The following KCNB2 variants were observed in gnomAD, a reference collection of about 807,000 sequenced individuals.
KCNB2 encodes the protein potassium voltage-gated channel subfamily B member 2, also known as delayed rectifier potassium channel protein.
A neutral mutation model predicts 61.5 loss-of-function variants in KCNB2; 15 were observed. The observed-to-expected ratio is 0.24, with a 90% confidence interval of 0.16 to 0.38. The LOEUF is 0.38. Ranked by LOEUF, KCNB2 falls within the 10% of genes least tolerant of loss-of-function variation. The probability of loss-of-function intolerance (pLI) is 1.00; values close to 1 mark genes in which losing one functional copy is unlikely to be tolerated. For missense variants in KCNB2, 828 were observed against 1,125.2 expected (o/e 0.74, Z 3.78); for synonymous variants, 457 against 446.0 (o/e 1.02, Z -0.31).
intron 2 of KCNB2, among the ~76,000 whole-genome samples, chr8:72,800,144 A>G (rs527309870): frequency 1.3e-5 from 2 of 152,262 alleles, no homozygotes; most frequent in South Asian, 4.1e-4. Context: ...GCATTTATCT[A>G]GGGTCCCATG....
chr8:72,537,301 C>A lies in KCNB2; in HGVS notation c.-678C>A. On this transcript the variant is annotated 5_prime_UTR_variant, in exon 1 of 3. Transcript: ENST00000523207. ...CCCCAGAGCGCCCCGCCTAGCCTCC[C>A]GCGCGCAGCCTCTACCCTGCTCCGC... 1 of 152,288 alleles carries A rather than the reference C, an allele frequency of 6.6e-6. No individual in the cohort carries two copies. The highest frequency in any genetic ancestry group is 1.8e-4 in the South Asian group (1 of 5,480). The allele number at this position is 152,288 out of a possible 1,614,324, so 9.4% of individuals were successfully genotyped here.
intron 2 of KCNB2, among the ~76,000 whole-genome samples, chr8:72,872,653 A>C (rs1805637829): frequency 6.6e-6 from 1 of 152,230 alleles, no homozygotes; most frequent in South Asian, 2.1e-4. Context: ...GATATTCTAC[A>C]CGGAAGAGAG....
At chr8:72,864,020 G>A (rs186351880) in intron 2 of KCNB2, among the ~76,000 whole-genome samples, 2 of 152,106 alleles carry the variant, frequency 1.3e-5, no homozygotes, top group Non-Finnish European at 2.9e-5. Flanking sequence ...GAGGGGAGGT[G>A]GGGGAATAGT....
rs113971655 is a variant in KCNB2, at chr8:72,729,424, G to A, written c.579+161111G>A. 5.2e-3 allele frequency among the ~76,000 whole-genome samples: 784 copies of A among 152,094 alleles called. 9 individuals carry two copies. Among genetic ancestry groups the A allele is most frequent in the Middle Eastern group, 0.038 (11 of 292 alleles). ...GGAGGCCAATTTCCTGACCATACAC[G>A]GGTTCTCAGAAAGAGAAATCTGCAG... On this transcript the variant is annotated intron_variant, in intron 2 of 2. Transcript: ENST00000523207.
At chr8:72,832,432 T>C (rs1444618953) in intron 2 of KCNB2, among the ~76,000 whole-genome samples, 1 of 152,174 alleles carries the variant, frequency 6.6e-6, no homozygotes, top group Non-Finnish European at 1.5e-5. Flanking sequence ...TAGTTCAAGG[T>C]AATAATGAGT....
intron 2 of KCNB2, among the ~76,000 whole-genome samples, chr8:72,868,581 ACAAAACAAACAAAAAAAACCC>A (rs1805568802): frequency 6.6e-6 from 1 of 152,000 alleles, no homozygotes; most frequent in Non-Finnish European, 1.5e-5. Context: ...TGTCTCAAAA[ACAAAACAAACAAAAAAAACCC>A]CAAAACAAAC....
Position 72,547,879 on chromosome 8 carries a change from G to A in KCNB2, c.-94+9994G>A, listed in dbSNP as rs527929560. Among the ~76,000 whole-genome samples the A allele has an allele frequency of 2.2e-4, 34 of 152,272 alleles. No homozygotes were observed. The South Asian group carries it at 6.8e-3, about 31-fold the overall frequency. On this transcript the variant is annotated intron_variant, in intron 1 of 2. Coordinates refer to ENST00000523207, the MANE Select transcript of KCNB2 (RefSeq NM_004770.3). ...AGTGTGGGTAAAATGCTATCAAATAGCATTGCATGCTACTGAGAAATCTTT... is the reference window on the plus strand; with the variant it reads ...AGTGTGGGTAAAATGCTATCAAATAACATTGCATGCTACTGAGAAATCTTT...
intron 2 of KCNB2, among the ~76,000 whole-genome samples, chr8:72,890,503 C>A (rs1805879654): frequency 6.6e-6 from 1 of 152,216 alleles, no homozygotes; most frequent in Non-Finnish European, 1.5e-5. Context: ...GCTCTTCAGA[C>A]CTGTGAGGCT....
intron 2 of KCNB2, among the ~76,000 whole-genome samples, chr8:72,652,282 A>G (rs549982512): frequency 9.2e-5 from 14 of 152,248 alleles, no homozygotes; most frequent in African/African-American, 3.1e-4. Context: ...GCTCATGCTC[A>G]TGCCGTAAAT....
chr8:72,587,712 C>A (rs898063502), intron 2 of KCNB2, among the ~76,000 whole-genome samples: 2 of 151,592 alleles, frequency 1.3e-5, no homozygotes, highest in African/African-American at 4.9e-5. Flanking sequence ...CCAGCCTGGG[C>A]CAAAGAGTTA....
chr8:72,832,255 T>G (rs1809710507), intron 2 of KCNB2, among the ~76,000 whole-genome samples: 1 of 152,228 alleles, frequency 6.6e-6, no homozygotes, highest in Non-Finnish European at 1.5e-5. Context: ...CTTTGGACTT[T>G]ATTTTGCAGA....
chr8:72,611,353 T>C (rs1322731335), intron 2 of KCNB2, among the ~76,000 whole-genome samples: 1 of 152,152 alleles, frequency 6.6e-6, no homozygotes, highest in Non-Finnish European at 1.5e-5. Context: ...GTAGATAGGG[T>C]CACCGTATTT....
At chr8:72,919,838 G>A (rs1347224603) in intron 2 of KCNB2, among the ~76,000 whole-genome samples, 1 of 152,066 alleles carries the variant, frequency 6.6e-6, no homozygotes, top group East Asian at 1.9e-4. Context: ...GTTAAATTTT[G>A]CTTTGATAAT....
chr8:72,546,988 G>A (rs1427516707), intron 1 of KCNB2, among the ~76,000 whole-genome samples: 1 of 152,098 alleles, frequency 6.6e-6, no homozygotes, highest in African/African-American at 2.4e-5. Flanking sequence ...TCTTGGTAGG[G>A]GCTAATCTAG....
chr8:72,758,491 C>T (rs929744080), intron 2 of KCNB2, among the ~76,000 whole-genome samples: 1 of 152,162 alleles, frequency 6.6e-6, no homozygotes, highest in African/African-American at 2.4e-5. Context: ...ACTTACATAG[C>T]TAATGAATGA....
chr8:72,795,052 C>T (rs1809009682), intron 2 of KCNB2, among the ~76,000 whole-genome samples: 1 of 152,054 alleles, frequency 6.6e-6, no homozygotes, highest in South Asian at 2.1e-4. Flanking sequence ...GGCAAAATAG[C>T]CCTGGACTGA....
At chr8:72,555,205 C>T (rs1806404579) in intron 1 of KCNB2, among the ~76,000 whole-genome samples, 1 of 151,880 alleles carries the variant, frequency 6.6e-6, no homozygotes, top group Non-Finnish European at 1.5e-5. Context: ...ATACCCATCC[C>T]AAGGAGGGAT....
chr8:72,540,005 C>A (rs140665161), intron 1 of KCNB2, among the ~76,000 whole-genome samples: 1 of 152,116 alleles, frequency 6.6e-6, no homozygotes, highest in African/African-American at 2.4e-5. Context: ...GTGTGTCTGT[C>A]CACGTGTTTT....
chr8:72,928,140 A>C (rs184690418), intron 2 of KCNB2, among the ~76,000 whole-genome samples: 10 of 152,112 alleles, frequency 6.6e-5, no homozygotes, highest in Non-Finnish European at 1.5e-4. Context: ...ATCTTTTCAA[A>C]GAGCTAAAAA....
Sources: gnomAD v4.1 joint callset for allele counts (sites outside exome capture counted in the v4.1 genomes callset) on GRCh38, gnomAD v4.1.1 for gene constraint, MANE v1.5 for transcripts, NCBI Gene and HGNC (gene_info 2026-07-23, HGNC 2026-07-21) for gene names.